STIM1: variants seen among roughly 807,000 people sequenced by gnomAD.
The protein encoded by STIM1 is stromal interaction molecule 1.
A neutral mutation model predicts 74.7 loss-of-function variants in STIM1; 25 were observed. The observed-to-expected ratio is 0.33, with a 90% CI of 0.24 to 0.47. STIM1 has a LOEUF of 0.47. STIM1 is among the 20% of genes least tolerant of loss of function. STIM1 has a pLI of 1.00. For missense variants in STIM1, 728 were observed against 920.8 expected, an observed-to-expected ratio of 0.79 and a Z score of 2.71; for synonymous variants, 328 against 348.8, an observed-to-expected ratio of 0.94 and a Z score of 0.66.
intron 3 of STIM1, among the ~76,000 whole-genome samples, chr11:4,052,784 C>T (rs2094254095): frequency 2.0e-5 from 3 of 152,124 alleles, no homozygotes; most frequent in Admixed American, 6.5e-5. Flanking sequence ...AAGAAACTAC[C>T]ATCAGAGTGA....
chr11:3,944,108 C>A (rs933320666), intron 1 of STIM1, among the ~76,000 whole-genome samples: 6 of 152,164 alleles, frequency 3.9e-5, no homozygotes, highest in Non-Finnish European at 8.8e-5. Context: ...AGCACATTTT[C>A]TCTCTTTTTT....
At position 4,059,386 on chromosome 11, in the gene STIM1, G is replaced by T. The variant is rs142843376; in HGVS notation, c.603G>T (p.Gly201=). 2 of 1,613,928 alleles carry T rather than the reference G, an allele frequency of 1.2e-6. No individual in the cohort carries two copies. Among genetic ancestry groups the T allele is most frequent in the Non-Finnish European group, 1.7e-6 (2 of 1,179,874 alleles). Reference sequence around the variant, plus strand: ...AGGCTCTGGATACAGTGCTCTTTGGGCCTCCTCTCTGTGAGTCTTGTGTTG... The same window carrying T: ...AGGCTCTGGATACAGTGCTCTTTGGTCCTCCTCTCTGTGAGTCTTGTGTTG... ...QLKALDTVLF[G]PPLLTRHNHL... Residue 201 remains glycine, a synonymous_variant, in exon 5 of 13, where the codon GGG becomes GGT. Transcript: ENST00000526596.
intron 3 of STIM1, among the ~76,000 whole-genome samples, chr11:4,041,881 T>C (rs1035667900): frequency 6.6e-6 from 1 of 152,202 alleles, no homozygotes; most frequent in African/African-American, 2.4e-5. Context: ...GCCACCGTGC[T>C]TGGCCAAAGC....
At chr11:4,028,847 A>G (rs1270479062) in intron 3 of STIM1, among the ~76,000 whole-genome samples, 1 of 152,198 alleles carries the variant, frequency 6.6e-6, no homozygotes. Flanking sequence ...GGACTTTGCC[A>G]TAGTAGTTGT....
At chr11:3,857,108 G>GTTTTTTTTTTTTTTT (rs34961672) in intron 1 of STIM1, among the ~76,000 whole-genome samples, 3 of 104,038 alleles carry the variant, frequency 2.9e-5, no homozygotes, top group African/African-American at 3.4e-5. Flanking sequence ...TTTTTTTTTT[G>GTTTTTTTTTTTTTTT]TTTTTTTTTT....
At chr11:3,894,319 A>T (rs1285014070) in intron 1 of STIM1, among the ~76,000 whole-genome samples, 1 of 152,128 alleles carries the variant, frequency 6.6e-6, no homozygotes, top group East Asian at 1.9e-4. Context: ...AGGGCCCCGT[A>T]TGTTTTCACT....
At chr11:3,929,016 G>A (rs1290450192) in intron 1 of STIM1, among the ~76,000 whole-genome samples, 2 of 152,116 alleles carry the variant, frequency 1.3e-5, no homozygotes, top group Non-Finnish European at 1.5e-5. Context: ...TGGGATTACA[G>A]GTGCGTGCCA....
chr11:4,081,860 A>T (rs1185787739), intron 7 of STIM1, among the ~76,000 whole-genome samples: 1 of 152,184 alleles, frequency 6.6e-6, no homozygotes, highest in Non-Finnish European at 1.5e-5. Context: ...TCACTAGCTG[A>T]CCTGTTCCTG....
At chr11:3,989,266 A>C in intron 2 of STIM1, 1 of 905,042 alleles carries the variant, frequency 1.1e-6, no homozygotes, top group Non-Finnish European at 1.9e-6. Flanking sequence ...TTGGTTAGCC[A>C]CTTCGGCCTG....
chr11:3,917,832 A>C (rs2092668317), intron 1 of STIM1, among the ~76,000 whole-genome samples: 3 of 152,210 alleles, frequency 2.0e-5, no homozygotes, highest in Non-Finnish European at 4.4e-5. Flanking sequence ...CAAGGCGAAG[A>C]CTAAGTTTTC....
intron 2 of STIM1, among the ~76,000 whole-genome samples, chr11:3,982,025 T>G (rs1671887545): frequency 6.6e-6 from 1 of 152,158 alleles, no homozygotes; most frequent in African/African-American, 2.4e-5. Flanking sequence ...TTTTCTTTTC[T>G]TTTCTTTCTT....
intron 1 of STIM1, among the ~76,000 whole-genome samples, chr11:3,875,737 AAC>A (rs1040713255): frequency 6.6e-6 from 1 of 151,822 alleles, no homozygotes; most frequent in African/African-American, 2.4e-5. Context: ...AAAAAAAAAA[AAC>A]CCCTAAAAAC....
intron 1 of STIM1, among the ~76,000 whole-genome samples, chr11:3,955,951 G>A (rs945012340): frequency 3.3e-5 from 5 of 151,356 alleles, no homozygotes; most frequent in African/African-American, 1.2e-4. Context: ...ACTGCTCCCT[G>A]TGCAGCAGGG....
chr11:4,056,109 C>T (rs1361729464), intron 4 of STIM1, among the ~76,000 whole-genome samples: 7 of 152,128 alleles, frequency 4.6e-5, no homozygotes, highest in African/African-American at 1.7e-4. Context: ...GTGCCCTGAG[C>T]AGCTGCCTCT....
intron 10 of STIM1, 145 bp from the exon 11 acceptor site, chr11:4,084,528 T>C (rs2094481792): frequency 2.1e-6 from 1 of 471,960 alleles, no homozygotes; most frequent in Admixed American, 3.0e-5. Flanking sequence ...TGAAGGCTTC[T>C]GTGTTCTCCA....
intron 11 of STIM1, chr11:4,086,091 G>A (rs998299244): frequency 8.6e-6 from 2 of 233,412 alleles, no homozygotes; most frequent in African/African-American, 2.3e-5. Context: ...ATAAGTCCTT[G>A]TCTATGCTGT....
intron 2 of STIM1, among the ~76,000 whole-genome samples, chr11:4,002,505 T>C (rs2093729116): frequency 6.7e-6 from 1 of 149,600 alleles, no homozygotes; most frequent in Non-Finnish European, 1.5e-5. Flanking sequence ...CATAACGAAA[T>C]GAAGGCAGAA....
intron 1 of STIM1, among the ~76,000 whole-genome samples, chr11:3,909,743 G>A (rs1387569680): frequency 2.0e-5 from 3 of 148,638 alleles, no homozygotes; most frequent in African/African-American, 7.5e-5. Context: ...AGAATGGCAT[G>A]ATCCTGGCAC....
intron 2 of STIM1, among the ~76,000 whole-genome samples, chr11:4,010,173 T>A (rs1392761189): frequency 4.1e-5 from 1 of 24,686 alleles, no homozygotes; most frequent in African/African-American, 4.7e-5. Flanking sequence ...AATTTTCTGA[T>A]TTTTTTTTTT....
Sources: gnomAD v4.1 joint callset for allele counts (sites outside exome capture counted in the v4.1 genomes callset) on GRCh38, gnomAD v4.1.1 for gene constraint, MANE v1.5 for transcripts, NCBI Gene and HGNC (gene_info 2026-07-23, HGNC 2026-07-21) for gene names.